MSRA: variants seen among roughly 807,000 people sequenced by gnomAD.
The protein encoded by MSRA is mitochondrial peptide methionine sulfoxide reductase.
In MSRA, 54 loss-of-function variants were observed where a neutral mutation model predicts 31.3. That is an observed-to-expected ratio of 1.73 (90% CI 1.39 to 2.17). The LOEUF is 2.17. Ranked by LOEUF, MSRA falls within the 30% of genes most tolerant of loss-of-function variation. MSRA has a pLI of 0.00. For synonymous variants in MSRA, 169 were observed against 116.5 expected (o/e 1.45, Z -2.90); for missense variants, 507 against 300.9 (o/e 1.69, Z -5.07).
chr8:10,105,954 C>G (rs962811162), intron 1 of MSRA, among the ~76,000 whole-genome samples: 2 of 152,228 alleles, frequency 1.3e-5, no homozygotes, highest in African/African-American at 4.8e-5. Flanking sequence ...CTCCCTCTTT[C>G]CCTGCTAGTA....
At chr8:10,411,288 G>C (rs529265917) in intron 5 of MSRA, 1 of 152,256 alleles carries the variant, frequency 6.6e-6, no homozygotes, top group East Asian at 1.9e-4. Flanking sequence ...TTTGTGGGCC[G>C]TCCTCTGTGT....
intron 3 of MSRA, among the ~76,000 whole-genome samples, chr8:10,263,529 G>C (rs961171018): frequency 3.3e-5 from 5 of 152,280 alleles, no homozygotes; most frequent in Non-Finnish European, 7.4e-5. Context: ...AGCCTTTGTG[G>C]TACCAAAACC....
intron 1 of MSRA, among the ~76,000 whole-genome samples, chr8:10,112,490 T>C (rs1800363721): frequency 6.6e-6 from 1 of 152,162 alleles, no homozygotes; most frequent in Non-Finnish European, 1.5e-5. Flanking sequence ...GTTTTGGAAA[T>C]TGTAGCTAAT....
At chr8:10,070,854 G>A (rs1052977738) in intron 1 of MSRA, among the ~76,000 whole-genome samples, 5 of 152,162 alleles carry the variant, frequency 3.3e-5, no homozygotes, top group Non-Finnish European at 5.9e-5. Flanking sequence ...TCATTACAGA[G>A]TATTATTACT....
chr8:10,161,441 A>T (rs1457827369), intron 1 of MSRA, among the ~76,000 whole-genome samples: 1 of 152,086 alleles, frequency 6.6e-6, no homozygotes, highest in Admixed American at 6.5e-5. Flanking sequence ...CAAAGGCCCA[A>T]CCTTCCATAG....
At chr8:10,339,315 T>A (rs1803258706) in intron 5 of MSRA, among the ~76,000 whole-genome samples, 1 of 152,188 alleles carries the variant, frequency 6.6e-6, no homozygotes, top group South Asian at 2.1e-4. Flanking sequence ...TAACTTTTCT[T>A]CAGAAGGCAA....
intron 2 of MSRA, among the ~76,000 whole-genome samples, chr8:10,214,460 C>T (rs753622190): frequency 2.0e-5 from 3 of 152,164 alleles, no homozygotes; most frequent in Non-Finnish European, 4.4e-5. Flanking sequence ...GGCAATATGT[C>T]AGACTTCAAA....
At chr8:10,340,411 C>T (rs1453156473) in intron 5 of MSRA, among the ~76,000 whole-genome samples, 1 of 152,228 alleles carries the variant, frequency 6.6e-6, no homozygotes, top group African/African-American at 2.4e-5. Flanking sequence ...TTTCCTCTGT[C>T]ACCCAGGCTG....
At chr8:10,118,145 G>A (rs554085552) in intron 1 of MSRA, among the ~76,000 whole-genome samples, 9 of 152,248 alleles carry the variant, frequency 5.9e-5, no homozygotes, top group African/African-American at 2.2e-4. Context: ...ATTCACCGTG[G>A]CTTTTCTGAT....
intron 1 of MSRA, among the ~76,000 whole-genome samples, chr8:10,100,869 T>C (rs142713597): frequency 9.8e-4 from 149 of 152,286 alleles, no homozygotes; most frequent in African/African-American, 3.4e-3. Flanking sequence ...GAATACCCCT[T>C]ATGTGTGGAT....
At chr8:10,220,985 C>A (rs1810444066) in intron 2 of MSRA, among the ~76,000 whole-genome samples, 1 of 152,166 alleles carries the variant, frequency 6.6e-6, no homozygotes. Context: ...TTGCTCTTGG[C>A]TGAATAACTT....
At chr8:10,246,751 GAGA>G (rs2129083510) in intron 3 of MSRA, among the ~76,000 whole-genome samples, 1 of 152,316 alleles carries the variant, frequency 6.6e-6, no homozygotes, top group African/African-American at 2.4e-5. Flanking sequence ...TCTTGCTCTA[GAGA>G]AGGATTGAAA....
chr8:10,426,502 G>A (rs915392949), intron 5 of MSRA, among the ~76,000 whole-genome samples: 1 of 152,212 alleles, frequency 6.6e-6, no homozygotes, highest in Non-Finnish European at 1.5e-5. Flanking sequence ...AGAGTCCTGC[G>A]CTCATCCTCA....
intron 2 of MSRA, among the ~76,000 whole-genome samples, chr8:10,227,586 C>T (rs1479735101): frequency 6.6e-6 from 1 of 152,092 alleles, no homozygotes; most frequent in Non-Finnish European, 1.5e-5. Context: ...GGGGTTAAGG[C>T]TGAAAAATAG....
intron 1 of MSRA, among the ~76,000 whole-genome samples, chr8:10,115,576 T>G (rs1012294831): frequency 7.2e-5 from 11 of 152,184 alleles, no homozygotes. Flanking sequence ...TAGGGAACAA[T>G]GCAGTGACTC....
At chr8:10,210,536 TG>T (rs1050907802) in intron 2 of MSRA, among the ~76,000 whole-genome samples, 3 of 152,190 alleles carry the variant, frequency 2.0e-5, no homozygotes, top group African/African-American at 7.2e-5. Context: ...GAATACTGGT[TG>T]GAGCAAGATC....
chr8:10,107,176 C>A (rs367844205), intron 1 of MSRA, among the ~76,000 whole-genome samples: 107 of 152,228 alleles, frequency 7.0e-4, no homozygotes, highest in African/African-American at 2.4e-3. Flanking sequence ...CTTTTCCTCA[C>A]CTTCTTGTCC....
At chr8:10,163,508 C>T (rs1804851785) in intron 1 of MSRA, among the ~76,000 whole-genome samples, 1 of 152,184 alleles carries the variant, frequency 6.6e-6, no homozygotes, top group South Asian at 2.1e-4. Flanking sequence ...GTCATTCTGC[C>T]CTTCACCTTG....
intron 1 of MSRA, among the ~76,000 whole-genome samples, chr8:10,096,797 G>A (rs1799184255): frequency 6.6e-6 from 1 of 152,144 alleles, no homozygotes; most frequent in South Asian, 2.1e-4. Context: ...TTGTAGGAGA[G>A]GTTAACTGTA....
Sources: allele counts gnomAD v4.1 joint callset (sites outside exome capture counted in the v4.1 genomes callset), GRCh38; gene constraint gnomAD v4.1.1; transcripts MANE v1.5; gene names NCBI Gene and HGNC (gene_info 2026-07-23, HGNC 2026-07-21).